Variants in FABP7 observed in about 807,000 individuals in gnomAD.
FABP7 encodes fatty acid binding protein 7.
FABP7 carries 13 observed loss-of-function variants against 14.2 expected under a neutral mutation model. The observed-to-expected ratio is 0.91, with a 90% CI of 0.59 to 1.45. FABP7 has a LOEUF of 1.45. Among genes scored for constraint, FABP7 ranks in the 40% most tolerant of loss-of-function variants. The pLI is 0.00. For missense variants in FABP7, 149 were observed against 157.6 expected (o/e 0.95, Z 0.29); for synonymous variants, 49 against 51.4 (o/e 0.95, Z 0.20).
chr6:122,772,135 T>C, the FABP7 span, among the ~76,000 whole-genome samples: 1 of 152,292 alleles, frequency 6.6e-6, no homozygotes, highest in African/African-American at 2.4e-5. Flanking sequence ...GAAATATTAA[T>C]TGAACTAAAC....
chr6:122,758,484 T>A, the FABP7 span, among the ~76,000 whole-genome samples: 3 of 152,134 alleles, frequency 2.0e-5, no homozygotes, highest in African/African-American at 7.2e-5. Flanking sequence ...AAAAGATGAG[T>A]GCTGATAGGT....
In FABP7 at chr6:122,783,744, G is replaced by A. The variant is rs77153426; in HGVS notation, c.376G>A (p.Val126Ile). Residue 126 changes from valine to isoleucine, a missense_variant, in exon 4 of 4, where the codon GTT becomes ATT. By Grantham distance (29) the Val-to-Ile change is conservative. Transcript: ENST00000368444. ...CCTTACTTTTGGTGATGTGGTTGCT[G>A]TTCGCCACTATGAGAAGGCATAAAA... The part of the protein sequence containing the change: ...MTLTFGDVVA[V>I]RHYEKA The A allele has an allele frequency of 6.4e-5, 103 of 1,607,494 alleles. 1 individual carries two copies. Among genetic ancestry groups the A allele is most frequent in the Middle Eastern group, 5.0e-4 (3 of 6,044 alleles).
upstream of FABP7, among the ~76,000 whole-genome samples, chr6:122,779,303 T>C (rs1780723452): frequency 6.6e-6 from 1 of 152,208 alleles, no homozygotes; most frequent in Non-Finnish European, 1.5e-5. Flanking sequence ...GGGGTCCTCA[T>C]TTGTGACCAG....
At chr6:122,765,647 A>C in the FABP7 span, among the ~76,000 whole-genome samples, 2 of 151,882 alleles carry the variant, frequency 1.3e-5, no homozygotes, top group Non-Finnish European at 2.9e-5. Flanking sequence ...TCCTATGTTG[A>C]TCTGATTCCT....
At chr6:122,752,958 T>G in the FABP7 span, among the ~76,000 whole-genome samples, 3 of 152,228 alleles carry the variant, frequency 2.0e-5, no homozygotes, top group Non-Finnish European at 4.4e-5. Context: ...CATTGTTTTT[T>G]GCTGTGGTTT....
upstream of FABP7, among the ~76,000 whole-genome samples, chr6:122,778,433 G>A (rs552946628): frequency 1.4e-4 from 22 of 152,304 alleles, no homozygotes; most frequent in African/African-American, 4.8e-4. Context: ...GCCACCTAGC[G>A]TAGGAGGCCT....
At chr6:122,753,495 G>A in the FABP7 span, among the ~76,000 whole-genome samples, 6 of 151,938 alleles carry the variant, frequency 3.9e-5, no homozygotes, top group Admixed American at 6.6e-5. Flanking sequence ...CCAAGTTCTC[G>A]CCCATCTGTC....
chr6:122,758,850 T>C, the FABP7 span, among the ~76,000 whole-genome samples: 3 of 152,202 alleles, frequency 2.0e-5, no homozygotes, highest in South Asian at 6.2e-4. Flanking sequence ...TAAATATACA[T>C]ATATCAGGTT....
At chr6:122,773,531 G>A in the FABP7 span, among the ~76,000 whole-genome samples, 1 of 152,190 alleles carries the variant, frequency 6.6e-6, no homozygotes, top group Admixed American at 6.5e-5. Flanking sequence ...TATTATGGGA[G>A]AGACTGTGGG....
At chr6:122,753,791 C>T in the FABP7 span, among the ~76,000 whole-genome samples, 1 of 93,752 alleles carries the variant, frequency 1.1e-5, no homozygotes, top group Non-Finnish European at 2.2e-5. Context: ...CCCGCCCCCC[C>T]CCCGCCCACA....
rs560915394 is a variant in FABP7, at chr6:122,782,634, C to T, written c.349-1083C>T. On this transcript the variant is annotated intron_variant, in intron 3 of 3. Transcript: ENST00000368444. ...TGATACTGACATAGGTGGGTAGGCT[C>T]ATTCAATTTTGGAGGAGGGTGTGAG... 5.1e-6 allele frequency: 5 copies of T among 985,416 alleles called. No homozygotes were observed. The South Asian group carries it at 1.9e-4, about 37-fold the overall frequency. 61.0% of individuals were successfully genotyped at this position (985,416 alleles called of 1,614,324 possible). A position where few individuals can be genotyped will look rare whatever the true frequency, so the allele number is the denominator to read the frequency against.
chr6:122,781,260 T>TTCTTCTTCCCTCCTC, intron 3 of FABP7, 66 bp downstream of exon 3: 1 of 1,577,086 alleles, frequency 6.3e-7, no homozygotes, highest in Non-Finnish European at 8.6e-7. Flanking sequence ...CTCACCTCCT[T>TTCTTCTTCCCTCCTC]CCTTCTTCTT....
At chr6:122,776,882 T>C (rs1780685508), upstream of FABP7, among the ~76,000 whole-genome samples, 1 of 152,242 alleles carries the variant, frequency 6.6e-6, no homozygotes, top group African/African-American at 2.4e-5. Context: ...TGGCAACATG[T>C]ATTCTTTTCT....
the FABP7 span, among the ~76,000 whole-genome samples, chr6:122,760,143 T>C: frequency 6.6e-6 from 1 of 152,132 alleles, no homozygotes; most frequent in African/African-American, 2.4e-5. Context: ...ATTGTACCTA[T>C]TTAAAGTGTA....
chr6:122,752,625 A>T, the FABP7 span, among the ~76,000 whole-genome samples: 1 of 152,138 alleles, frequency 6.6e-6, no homozygotes, highest in Non-Finnish European at 1.5e-5. Flanking sequence ...TTTTCTATAG[A>T]TAGAATCTCT....
At chr6:122,755,399 T>C in the FABP7 span, among the ~76,000 whole-genome samples, 1 of 151,424 alleles carries the variant, frequency 6.6e-6, no homozygotes, top group African/African-American at 2.4e-5. Context: ...GAATTTTTAC[T>C]TATAACCTTG....
chr6:122,781,462 G>T, intron 3 of FABP7: 1 of 1,385,350 alleles, frequency 7.2e-7, no homozygotes, highest in Non-Finnish European at 9.3e-7. Flanking sequence ...CCATTGATTT[G>T]CCTAAAACTG....
chr6:122,778,888 C>T (rs1780717085), upstream of FABP7, among the ~76,000 whole-genome samples: 1 of 152,130 alleles, frequency 6.6e-6, no homozygotes, highest in African/African-American at 2.4e-5. Flanking sequence ...ATCTTCTGTC[C>T]AGTTTTTCCA....
chr6:122,781,494 A>AT, intron 3 of FABP7: 2 of 1,371,122 alleles, frequency 1.5e-6, no homozygotes, highest in Non-Finnish European at 1.9e-6. Context: ...TTTTTGTAGG[A>AT]TAACTATGGA....
Sources: gnomAD v4.1 joint callset for allele counts (sites outside exome capture counted in the v4.1 genomes callset) on GRCh38, gnomAD v4.1.1 for gene constraint, MANE v1.5 for transcripts, NCBI Gene and HGNC (gene_info 2026-07-23, HGNC 2026-07-21) for gene names.